QSER1: variants seen among roughly 807,000 people sequenced by gnomAD.
QSER1 encodes glutamine and serine rich 1, also known as glutamine and serine-rich protein 1.
In QSER1, 49 loss-of-function variants were observed where a neutral mutation model predicts 158.5. That is an observed-to-expected ratio of 0.31 (90% confidence interval 0.25 to 0.39). The LOEUF is 0.39. Among genes scored for constraint, QSER1 ranks in the 10% least tolerant of loss-of-function variants. The pLI, the probability that QSER1 is intolerant of heterozygous loss-of-function variation, is 1.00. For synonymous variants in QSER1, 650 were observed against 715.5 expected, an observed-to-expected ratio of 0.91 and a Z score of 1.46; for missense variants, 1,754 against 2,010.3, an observed-to-expected ratio of 0.87 and a Z score of 2.44.
At chr11:32,922,811 C>A (rs564915727) in intron 1 of QSER1, among the ~76,000 whole-genome samples, 2 of 151,734 alleles carry the variant, frequency 1.3e-5, no homozygotes, top group East Asian at 3.9e-4. Context: ...TAACAACTTA[C>A]AAACTAACAA....
chr11:32,977,100 G>C lies in QSER1; in HGVS notation c.*626G>C, dbSNP rs914934249. On this transcript the variant is annotated 3_prime_UTR_variant, in exon 13 of 13. Transcript: ENST00000650167. ...ACTGCTTTTTGTGTCAAATTATATT[G>C]TGATAAAAAAACAATGACATACTAT... The C allele has an allele frequency of 2.0e-5, 3 of 152,518 alleles. No individual in the cohort carries two copies. The highest frequency in any genetic ancestry group is 7.2e-5 in the African/African-American group (3 of 41,404). The allele number at this position is 152,518 out of a possible 1,614,324, so 9.4% of individuals were successfully genotyped here. A position where few individuals can be genotyped will look rare whatever the true frequency, so the allele number is the denominator to read the frequency against.
chr11:32,913,855 CAG>C (rs1160284358), intron 1 of QSER1, among the ~76,000 whole-genome samples: 1 of 152,190 alleles, frequency 6.6e-6, no homozygotes, highest in Non-Finnish European at 1.5e-5. Context: ...CTCTAAGTCA[CAG>C]AATTTATATA....
At chr11:32,894,833 A>C (rs1317730348) in intron 1 of QSER1, among the ~76,000 whole-genome samples, 1 of 152,236 alleles carries the variant, frequency 6.6e-6, no homozygotes, top group Admixed American at 6.5e-5. Context: ...AAGCCATTTT[A>C]AGGAGTTTCA....
At chr11:32,897,259 T>C (rs949987411) in intron 1 of QSER1, among the ~76,000 whole-genome samples, 2 of 152,198 alleles carry the variant, frequency 1.3e-5, no homozygotes, top group Non-Finnish European at 2.9e-5. Flanking sequence ...GCTACATAGC[T>C]AGTAAATAGT....
Position 32,954,261 on chromosome 11 carries a change from G to A in QSER1, c.4500+82G>A, listed in dbSNP as rs115993935. 5,000 of 1,465,940 alleles carry A rather than the reference G, an allele frequency of 3.4e-3. 140 individuals are homozygous for A. In the African/African-American group the frequency reaches 0.062, roughly 18 times the overall value. The allele number at this position is 1,465,940 out of a possible 1,614,324, so 90.8% of individuals were successfully genotyped here. A position where few individuals can be genotyped will look rare whatever the true frequency, so the allele number is the denominator to read the frequency against. On this transcript the variant is annotated intron_variant, in intron 5 of 12. Transcript: ENST00000650167. Reference sequence around the variant, plus strand: ...GCCTTCATTATGACTTCAATAGCATGCATCTACTTTGAATTATGGGAAGTT... The same window carrying A: ...GCCTTCATTATGACTTCAATAGCATACATCTACTTTGAATTATGGGAAGTT...
At chr11:32,908,876 T>C (rs1851728090) in intron 1 of QSER1, among the ~76,000 whole-genome samples, 1 of 152,186 alleles carries the variant, frequency 6.6e-6, no homozygotes, top group Non-Finnish European at 1.5e-5. Flanking sequence ...CAGAAATATA[T>C]GGGCCAGGCA....
intron 1 of QSER1, among the ~76,000 whole-genome samples, chr11:32,925,411 C>CCTAG (rs1229399899): frequency 4.6e-5 from 7 of 152,066 alleles, no homozygotes; most frequent in Non-Finnish European, 1.0e-4. Context: ...ACTGAACCCA[C>CCTAG]CTAGAATGGC....
intron 11 of QSER1, among the ~76,000 whole-genome samples, chr11:32,974,833 G>A (rs1852943502): frequency 6.6e-6 from 1 of 152,134 alleles, no homozygotes; most frequent in Admixed American, 6.5e-5. Flanking sequence ...TAGACAATAT[G>A]TATAGTGTGA....
At chr11:32,963,245 T>C (rs1349568028) in intron 8 of QSER1, among the ~76,000 whole-genome samples, 2 of 152,002 alleles carry the variant, frequency 1.3e-5, no homozygotes, top group Non-Finnish European at 2.9e-5. Context: ...AACCTCAATA[T>C]CCCAGGCTCA....
intron 5 of QSER1, 122 bp from the exon 6 acceptor site, chr11:32,955,174 T>G: frequency 1.7e-6 from 1 of 603,072 alleles, no homozygotes; most frequent in Non-Finnish European, 2.9e-6. Flanking sequence ...GAATATCAGA[T>G]AGAGAGGTGA....
In QSER1 at chr11:32,893,122, C is replaced by T. The variant is rs1413471413; in HGVS notation, c.-4C>T. Reference sequence around the variant, plus strand: ...CTGCCCGCCCTCCCTACGCCACCCCCACGATGGACAGGAACTACGCGACCT... The same window carrying T: ...CTGCCCGCCCTCCCTACGCCACCCCTACGATGGACAGGAACTACGCGACCT... On this transcript the variant is annotated 5_prime_UTR_variant, in exon 1 of 13. Coordinates refer to ENST00000650167, the MANE Select transcript of QSER1 (RefSeq NM_001076786.3). This position sits in a 1 kb window ranked among gnomAD's most constrained non-coding sequence, Gnocchi z 4.7. 1 of 140,770 alleles carries T rather than the reference C, an allele frequency of 7.1e-6. No homozygotes were observed. The highest frequency in any genetic ancestry group is 1.6e-5 in the Non-Finnish European group (1 of 64,176). The allele number at this position is 140,770 out of a possible 1,614,324, so 8.7% of individuals were successfully genotyped here.
intron 1 of QSER1, among the ~76,000 whole-genome samples, chr11:32,905,490 A>C (rs531655212): frequency 1.3e-5 from 2 of 152,340 alleles, no homozygotes; most frequent in African/African-American, 2.4e-5. Context: ...AATGATGTCA[A>C]AGTAAAAGTG....
chr11:32,933,897 C>T lies in QSER1; in HGVS notation c.2639C>T (p.Ser880Phe). ...GCAGGTTTAGGTCAAGTAAAGGCAT[C>T]TTTACAAGCACAGCGTGTTCAAAGC... ...LQAGLGQVKA[S>F]LQAQRVQSPQ... is the part of the protein sequence containing the mutation. The change falls in exon 4 of 13, where the codon TCT becomes TTT. Residue 880 changes from serine (S) to phenylalanine (F), a missense_variant. Around this residue, in one of 2 missense-constraint regions of QSER1, gnomAD observed 1,707 missense variants for 1,919.6 expected, o/e 0.89. Transcript: ENST00000650167. 1.2e-6 allele frequency: 2 copies of T among 1,613,722 alleles called. No individual in the cohort carries two copies. Among genetic ancestry groups the T allele is most frequent in the Non-Finnish European group, 1.7e-6 (2 of 1,179,874 alleles).
At chr11:32,936,108 A>G (rs889957434) in intron 4 of QSER1, among the ~76,000 whole-genome samples, 2 of 152,134 alleles carry the variant, frequency 1.3e-5, no homozygotes, top group East Asian at 1.9e-4. Flanking sequence ...TTACATATGT[A>G]TACATGTGCC....
chr11:32,917,844 A>AC (rs398015719), intron 1 of QSER1, among the ~76,000 whole-genome samples: 3 of 150,424 alleles, frequency 2.0e-5, no homozygotes, highest in African/African-American at 4.9e-5. Context: ...AAAAAAAAAA[A>AC]CCAGCATTTC....
intron 4 of QSER1, among the ~76,000 whole-genome samples, chr11:32,951,146 A>G (rs1349343107): frequency 3.9e-5 from 6 of 152,184 alleles, no homozygotes; most frequent in African/African-American, 1.4e-4. Context: ...AACATGTGTT[A>G]ATGTCTATAT....
chr11:32,955,955 C>T (rs1564943154), intron 6 of QSER1, 33 bp from the exon 7 acceptor site: 1 of 1,576,916 alleles, frequency 6.3e-7, no homozygotes, highest in East Asian at 2.3e-5. Context: ...CTAGATTGTT[C>T]AATTATGTAA....
rs529979327 is a variant in QSER1 at position 32,953,882 on chromosome 11, C to T, written c.4203C>T (p.Ser1401=). Residue 1401 remains serine (S), a synonymous_variant, in exon 5 of 13, where the codon AGC becomes AGT. Transcript: ENST00000650167. The part of the protein sequence containing the change: ...KTEALQVATT[S]PTANTTGTAT... ...AAGCCCTACAGGTGGCAACTACTAG[C>T]CCAACTGCCAATACTACTGGTACTG... 1.9e-6 allele frequency: 3 copies of T among 1,613,390 alleles called. No homozygotes were observed. The highest frequency in any genetic ancestry group is 2.5e-6 in the Non-Finnish European group (3 of 1,179,530).
In QSER1 at chr11:32,934,855, C is replaced by T. The variant is rs376538589; in HGVS notation, c.3597C>T (p.Asn1199=). ...AAAACCAAGATTTAATGCATTTTAA[C>T]CTTCAAAAGAAAAGAGCTAAAGGAA... ...EEENQDLMHF[N]LQKKRAKGKG... is the part of the protein sequence containing the mutation. The change falls in exon 4 of 13, where the codon AAC becomes AAT. Residue 1199 remains asparagine (N), a synonymous_variant. Transcript: ENST00000650167. 2 of 1,613,842 alleles carry T rather than the reference C, an allele frequency of 1.2e-6. No individual in the cohort carries two copies. Among genetic ancestry groups the T allele is most frequent in the Non-Finnish European group, 1.7e-6 (2 of 1,179,994 alleles).
Sources: allele counts gnomAD v4.1 joint callset (sites outside exome capture counted in the v4.1 genomes callset), GRCh38; gene constraint gnomAD v4.1.1; regional missense constraint gnomAD v4.1.1; non-coding constraint Gnocchi (gnomAD v3.1); transcripts MANE v1.5; gene names NCBI Gene and HGNC (gene_info 2026-07-23, HGNC 2026-07-21).